The following MTMR11 variants were observed in gnomAD, a reference collection of about 807,000 sequenced individuals.
The protein encoded by MTMR11 is myotubularin-related protein 11.
MTMR11 carries 89 observed loss-of-function variants against 100.0 expected under a neutral mutation model. The observed-to-expected ratio is 0.89, with a 90% CI of 0.75 to 1.06. The LOEUF is 1.06. Among genes scored for constraint, MTMR11 ranks in the 50% least tolerant of loss-of-function variants. MTMR11 has a pLI of 0.00. For synonymous variants in MTMR11, 336 were observed against 326.3 expected, an observed-to-expected ratio of 1.03 and a Z score of -0.32; for missense variants, 809 against 873.7, an observed-to-expected ratio of 0.93 and a Z score of 0.93.
chr1:149,929,601 CCAGTCT>C lies in MTMR11; in HGVS notation c.1941+16_1941+21del. ...CAGAGTCAAGTCCCTTGTCCCACTC[CCAGTCT>C]ATTTTCCCTTCTTACCTGGACCTCA... is the stretch of plus-strand genomic sequence containing the variant. On this transcript the variant is annotated intron_variant, in intron 16 of 16. Transcript: ENST00000439741. 1 of 1,596,700 alleles carries C rather than the reference CCAGTCT, an allele frequency of 6.3e-7. No individual in the cohort carries two copies. Among genetic ancestry groups the C allele is most frequent in the Non-Finnish European group, 8.5e-7 (1 of 1,171,328 alleles).
At position 149,930,415 on chromosome 1, in the gene MTMR11, G is replaced by T. The variant is rs1553767246; in HGVS notation, c.1597C>A (p.Pro533Thr). Residue 533 changes from proline to threonine, a missense_variant, in exon 15 of 17, where the codon CCT becomes ACT. Pro to Thr is a conservative substitution (Grantham distance 38). Transcript: ENST00000439741. Reference protein sequence around the residue: ...SNAQILQFQNPGYDPEHCPDS... With the variant: ...SNAQILQFQNTGYDPEHCPDS... The stretch of plus-strand genomic sequence containing the variant: ...GGACAGTGTTCTGGGTCATAGCCAG[G>T]ATTCTGGAATTGTAGTATCTGTGCA... 6.2e-7 allele frequency: 1 copy of T among 1,614,022 alleles called. No individual in the cohort carries two copies. The highest frequency in any genetic ancestry group is 8.5e-7 in the Non-Finnish European group (1 of 1,179,920).
chr1:149,930,280 A>G, intron 15 of MTMR11, 85 bp downstream of exon 15: 1 of 1,378,922 alleles, frequency 7.3e-7, no homozygotes, highest in East Asian at 2.3e-5. Flanking sequence ...AAGGAACTCA[A>G]GACATTTTGT....
chr1:149,935,700 G>A lies in MTMR11; in HGVS notation c.148C>T (p.Gln50Ter). 6.2e-7 allele frequency: 1 copy of A among 1,602,932 alleles called. No homozygotes were observed. Among genetic ancestry groups the A allele is most frequent in the East Asian group, 2.3e-5 (1 of 44,200 alleles). ...ACCCCTGGGGCCCATGCTAGGATCTGCTCCCCTAAAGGGGAAGAAGGGAAG... is the reference window on the plus strand; with the variant it reads ...ACCCCTGGGGCCCATGCTAGGATCTACTCCCCTAAAGGGGAAGAAGGGAAG... ...CLASRCLPGEQILAWAPGVRK... is the reference protein window; with the variant it reads ...CLASRCLPGE The change falls in exon 3 of 17, where the codon CAG becomes TAG. Residue 50 changes from glutamine (Q) to a stop codon, truncating the protein, a stop_gained. Transcript: ENST00000439741. LOFTEE classifies it high-confidence loss of function.
intron 13 of MTMR11, 57 bp from the exon 14 acceptor site, chr1:149,931,022 C>T (rs1344230839): frequency 1.7e-5 from 26 of 1,489,702 alleles, no homozygotes; most frequent in Admixed American, 6.9e-5. Context: ...GGGAGGATGA[C>T]GAGATGATAA....
intron 13 of MTMR11, 79 bp downstream of exon 13, chr1:149,931,181 A>G: frequency 1.9e-6 from 3 of 1,582,242 alleles, no homozygotes; most frequent in Non-Finnish European, 2.6e-6. Context: ...ATTCACCTCC[A>G]ATGGATTATA....
chr1:149,936,636 C>T lies in MTMR11; in HGVS notation c.12G>A (p.Gly4=). Residue 4 remains glycine, a synonymous_variant, in exon 1 of 17, where the codon GGG becomes GGA. Coordinates refer to ENST00000439741, the MANE Select transcript of MTMR11 (RefSeq NM_001145862.2). ...CAATGTTGAAACTCTGGCCCCGGCC[C>T]CCCCACCACATTTCTCTGGCTCCAT... MWW[G]GRGQSFNIAP... The T allele has an allele frequency of 6.5e-7, 1 of 1,543,136 alleles. No homozygotes were observed. Among genetic ancestry groups the T allele is most frequent in the Non-Finnish European group, 8.8e-7 (1 of 1,139,596 alleles).
chr1:149,931,055 A>AG, intron 13 of MTMR11, 90 bp from the exon 14 acceptor site: 1 of 1,394,214 alleles, frequency 7.2e-7, no homozygotes, highest in Non-Finnish European at 9.6e-7. Flanking sequence ...CACAGGGAAT[A>AG]GGGGGAACTT....
chr1:149,935,708 A>G lies in MTMR11; in HGVS notation c.143-3T>C. ...GGCCCATGCTAGGATCTGCTCCCCT[A>G]AAGGGGAAGAAGGGAAGCCCTGTTA... On this transcript the variant is annotated splice_polypyrimidine_tract_variant and splice_region_variant and intron_variant, in intron 2 of 16. Transcript: ENST00000439741. 6.3e-7 allele frequency: 1 copy of G among 1,592,380 alleles called. No homozygotes were observed. The highest frequency in any genetic ancestry group is 2.3e-5 in the East Asian group (1 of 43,464).
In MTMR11 at chr1:149,936,036, C is replaced by G. The variant is rs1321823590; in HGVS notation, c.142+118G>C. 9.8e-6 allele frequency: 11 copies of G among 1,123,248 alleles called. No individual in the cohort carries two copies. In the African/African-American group the frequency reaches 1.5e-4, roughly 16 times the overall value. The allele number at this position is 1,123,248 out of a possible 1,614,324, so 69.6% of individuals were successfully genotyped here. ...GGCTGTCAGGGAGGACAGCGAGCCT[C>G]AGGCAGACGTACTTCGAGCCACGAG... On this transcript the variant is annotated intron_variant, in intron 2 of 16. Transcript: ENST00000439741.
intron 12 of MTMR11, 119 bp from the exon 13 acceptor site, chr1:149,931,545 G>C: frequency 1.1e-6 from 1 of 945,204 alleles, no homozygotes; most frequent in South Asian, 1.8e-5. Context: ...AAGGTTTGGG[G>C]TAGGAGGATT....
At position 149,935,289 on chromosome 1, in the gene MTMR11, C is replaced by G. The variant is rs587611665; in HGVS notation, c.325+10G>C. 216 of 1,613,276 alleles carry G rather than the reference C, an allele frequency of 1.3e-4. 3 individuals are homozygous for G. The South Asian group carries it at 2.3e-3, about 17-fold the overall frequency. On this transcript the variant is annotated intron_variant, in intron 4 of 16. Coordinates refer to ENST00000439741, the MANE Select transcript of MTMR11 (RefSeq NM_001145862.2). The stretch of plus-strand genomic sequence containing the variant: ...AGTGAACCCCTTCACCAAACCCCCC[C>G]CCAACTTACCAGCCTCTAATCGTCC...
At chr1:149,935,853 A>G in intron 2 of MTMR11, 148 bp from the exon 3 acceptor site, 2 of 1,117,138 alleles carry the variant, frequency 1.8e-6, no homozygotes, top group Non-Finnish European at 2.5e-6. Context: ...ATGAGGAAAG[A>G]TAAATGTTTT....
chr1:149,930,537 T>C lies in MTMR11; in HGVS notation c.1475A>G (p.Tyr492Cys). The change falls in exon 15 of 17, where the codon TAT becomes TGT. Residue 492 changes from tyrosine (Y) to cysteine (C), a missense_variant. Tyr to Cys is a radical substitution (Grantham distance 194, BLOSUM62 -2). Coordinates refer to ENST00000439741, the MANE Select transcript of MTMR11 (RefSeq NM_001145862.2). ...RGKQSGQLNS[Y>C]TQVYTPGYSQ... The stretch of plus-strand genomic sequence containing the variant: ...GTATCCTGGGGTGTAGACTTGTGTA[T>C]AGGAGTTTAACTGGACAGAGGAAGC... 1 of 1,612,246 alleles carries C rather than the reference T, an allele frequency of 6.2e-7. No homozygotes were observed. The highest frequency in any genetic ancestry group is 1.1e-5 in the South Asian group (1 of 90,950).
In MTMR11 at chr1:149,929,614, CCTT is replaced by C; in HGVS notation, c.1941+6_1941+8del. 1 of 1,604,340 alleles carries C rather than the reference CCTT, an allele frequency of 6.2e-7. No homozygotes were observed. The highest frequency in any genetic ancestry group is 8.5e-7 in the Non-Finnish European group (1 of 1,175,364). On this transcript the variant is annotated splice_donor_region_variant and intron_variant, in intron 16 of 16. Coordinates refer to ENST00000439741, the MANE Select transcript of MTMR11 (RefSeq NM_001145862.2). The stretch of plus-strand genomic sequence containing the variant: ...CTTGTCCCACTCCCAGTCTATTTTC[CCTT>C]CTTACCTGGACCTCAGGCCTTCCCC...
chr1:149,930,690 C>A (rs1159049509), intron 14 of MTMR11, 102 bp downstream of exon 14: 4 of 1,372,984 alleles, frequency 2.9e-6, no homozygotes, highest in Non-Finnish European at 4.0e-6. Flanking sequence ...CTCCCCCTCC[C>A]CACTCACAGA....
rs1571555356 is a variant in MTMR11 at position 149,935,280 on chromosome 1, A to C, written c.325+19T>G. ...AACAACCCCAGTGAACCCCTTCACC[A>C]AACCCCCCCCCAACTTACCAGCCTC... On this transcript the variant is annotated intron_variant, in intron 4 of 16. Transcript: ENST00000439741. 7.1e-7 allele frequency: 1 copy of C among 1,403,790 alleles called. No homozygotes were observed. The highest frequency in any genetic ancestry group is 9.9e-7 in the Non-Finnish European group (1 of 1,009,586). 87.0% of individuals were successfully genotyped at this position (1,403,790 alleles called of 1,614,324 possible).
At chr1:149,936,030 G>T in intron 2 of MTMR11, 124 bp downstream of exon 2, 1 of 1,058,272 alleles carries the variant, frequency 9.4e-7, no homozygotes, top group Non-Finnish European at 1.5e-6. Flanking sequence ...GGAGGACAGC[G>T]AGCCTCAGGC....
chr1:149,930,695 C>A, intron 14 of MTMR11, 97 bp downstream of exon 14: 1 of 1,400,900 alleles, frequency 7.1e-7, no homozygotes, highest in South Asian at 1.4e-5. Flanking sequence ...CCTCCCCACT[C>A]ACAGACCTCA....
rs1487728777 is a variant in MTMR11, at chr1:149,933,323, T to C, written c.985+83A>G. On this transcript the variant is annotated intron_variant, in intron 10 of 16. Transcript: ENST00000439741. The stretch of plus-strand genomic sequence containing the variant: ...TCATTGGACTAAAGAGCTACTCATC[T>C]ACAGCAAGCAAAGGGTAAACCAGGT... 3 of 1,549,592 alleles carry C rather than the reference T, an allele frequency of 1.9e-6. No homozygotes were observed. In the African/African-American group the frequency reaches 4.1e-5, roughly 21 times the overall value.
Sources: allele counts gnomAD v4.1 joint callset, GRCh38; gene constraint gnomAD v4.1.1; transcripts MANE v1.5; gene names NCBI Gene and HGNC (gene_info 2026-07-23, HGNC 2026-07-21).